GOLGB1: variants seen among roughly 807,000 people sequenced by gnomAD.
GOLGB1 encodes the protein golgin subfamily B member 1.
A neutral mutation model predicts 336.9 loss-of-function variants in GOLGB1; 174 were observed. That is an observed-to-expected ratio of 0.52 (90% CI 0.46 to 0.59). The LOEUF (loss-of-function observed/expected upper bound fraction) is 0.59, where lower values mean the gene tolerates loss of function less well. GOLGB1 is among the 20% of genes least tolerant of loss of function. The pLI, the probability that GOLGB1 is intolerant of heterozygous loss-of-function variation, is 0.00. For synonymous variants in GOLGB1, 1,208 were observed against 1,289.2 expected (o/e 0.94, Z 1.35); for missense variants, 3,331 against 3,645.3 (o/e 0.91, Z 2.22).
chr3:121,696,377 G>A lies in GOLGB1; in HGVS notation c.4146C>T (p.Ser1382=), dbSNP rs1942948366. The A allele has an allele frequency of 6.2e-7, 1 of 1,613,998 alleles. No homozygotes were observed. Among genetic ancestry groups the A allele is most frequent in the African/African-American group, 1.3e-5 (1 of 74,900 alleles). ...GTTCTAGGCCAGCAATTTGTAGTTG[G>A]CTGCTTTCCAATTTCTGCTGCAGGC... ...AESLQQKLES[S]QLQIAGLEHL... The change falls in exon 13 of 22, where the codon AGC becomes AGT. Residue 1382 remains serine, a synonymous_variant. Coordinates refer to ENST00000614479, the MANE Select transcript of GOLGB1 (RefSeq NM_001366282.2).
intron 14 of GOLGB1, among the ~76,000 whole-genome samples, chr3:121,687,037 C>A (rs555520257): frequency 1.3e-5 from 2 of 152,196 alleles, no homozygotes; most frequent in Admixed American, 1.3e-4. Flanking sequence ...ACTTTGGGAG[C>A]CGAGGCAGGT....
At chr3:121,749,763 A>C (rs1414991470), upstream of GOLGB1, 1 of 152,446 alleles carries the variant, frequency 6.6e-6, no homozygotes, top group Non-Finnish European at 1.5e-5. Context: ...GTTGGGACGG[A>C]AGATGGGATT....
intron 1 of GOLGB1, among the ~76,000 whole-genome samples, chr3:121,734,179 C>T (rs1394116912): frequency 1.3e-5 from 2 of 152,006 alleles, no homozygotes; most frequent in African/African-American, 4.8e-5. Context: ...CAGTTGAGGC[C>T]AGGAGTTCAA....
chr3:121,718,346 G>A, intron 8 of GOLGB1, 42 bp downstream of exon 8: 2 of 1,280,142 alleles, frequency 1.6e-6, no homozygotes, highest in Non-Finnish European at 1.1e-6. Context: ...AAGTGGAAAT[G>A]AATACCCTCC....
chr3:121,697,318 G>A lies in GOLGB1; in HGVS notation c.3205C>T (p.Gln1069Ter), dbSNP rs1448087735. Residue 1069 changes from glutamine (Q) to a stop codon, truncating the protein, a stop_gained, in exon 13 of 22, where the codon CAG (glutamine) becomes TAG (stop). Transcript: ENST00000614479. LOFTEE classifies it high-confidence loss of function. ...KCQEIEIYLK[Q>*]TISEKEVELQ... ...TCCACTTCTTTCTCAGATATTGTCTGTTTTAAATAAATTTCTATTTCTTGG... is the reference window on the plus strand; with the variant it reads ...TCCACTTCTTTCTCAGATATTGTCTATTTTAAATAAATTTCTATTTCTTGG... 2 of 1,613,374 alleles carry A rather than the reference G, an allele frequency of 1.2e-6. No individual in the cohort carries two copies. The highest frequency in any genetic ancestry group is 3.3e-5 in the Admixed American group (2 of 59,972).
At chr3:121,689,672 A>AT (rs1484116907) in intron 14 of GOLGB1, among the ~76,000 whole-genome samples, 1 of 151,628 alleles carries the variant, frequency 6.6e-6, no homozygotes. Context: ...AAAAATTAGA[A>AT]TTTTCAGATT....
At chr3:121,715,182 T>C (rs1944659934) in intron 9 of GOLGB1, among the ~76,000 whole-genome samples, 1 of 148,878 alleles carries the variant, frequency 6.7e-6, no homozygotes, top group Non-Finnish European at 1.5e-5. Context: ...CCTTCAAAAG[T>C]AAAATAAAAT....
At position 121,695,035 on chromosome 3, in the gene GOLGB1, C is replaced by A; in HGVS notation, c.5488G>T (p.Val1830Leu). The change falls in exon 13 of 22, where the codon GTA becomes TTA. Residue 1830 changes from valine (V) to leucine (L), a missense_variant. Coordinates refer to ENST00000614479, the MANE Select transcript of GOLGB1 (RefSeq NM_001366282.2). ...TCATGTGAGCTGAAATCCTTACTTA[C>A]AGCAGGGTTGGCACTCTTCGCTGAT... ...VPSAKSANPA[V>L]SKDFSSHDEI... 1 of 1,614,110 alleles carries A rather than the reference C, an allele frequency of 6.2e-7. No homozygotes were observed. The highest frequency in any genetic ancestry group is 8.5e-7 in the Non-Finnish European group (1 of 1,179,964).
chr3:121,693,277 A>G (rs1485600402), intron 13 of GOLGB1, among the ~76,000 whole-genome samples: 4 of 152,188 alleles, frequency 2.6e-5, no homozygotes, highest in Admixed American at 2.6e-4. Context: ...ACCTGAGGTC[A>G]GGAGTTCGAG....
intron 13 of GOLGB1, 59 bp from the exon 14 acceptor site, chr3:121,692,640 G>A: frequency 2.1e-6 from 2 of 931,046 alleles, no homozygotes; most frequent in South Asian, 3.3e-5. Flanking sequence ...TGTTTCCCAA[G>A]GAACAAATAC....
rs1413474743 is a variant in GOLGB1, at chr3:121,690,999, G to T, written c.8365C>A (p.Leu2789Ile). ...ATTGAAAAGGCGGTTTCAGAAAGAA[G>T]AGCATCTCTCTCTCTGTTTAAGAGT... ...QGLLNRERDA[L>I]LSETAFSMNS... Residue 2789 changes from leucine (L) to isoleucine (I), a missense_variant, in exon 14 of 22, where the codon CTT becomes ATT. Transcript: ENST00000614479. The T allele has an allele frequency of 6.2e-7, 1 of 1,613,908 alleles. No individual in the cohort carries two copies. Among genetic ancestry groups the T allele is most frequent in the Non-Finnish European group, 8.5e-7 (1 of 1,179,872 alleles).
chr3:121,727,243 AC>A (rs1190288694), intron 4 of GOLGB1, among the ~76,000 whole-genome samples: 1 of 132,038 alleles, frequency 7.6e-6, no homozygotes, highest in Non-Finnish European at 1.6e-5. Flanking sequence ...TGTTAGACCT[AC>A]CCTCCCTCAC....
At position 121,698,704 on chromosome 3, in the gene GOLGB1, C is replaced by G. The variant is rs1414192285; in HGVS notation, c.1819G>C (p.Glu607Gln). The change falls in exon 13 of 22, where the codon GAG becomes CAG. Residue 607 changes from glutamate to glutamine, a missense_variant. Transcript: ENST00000614479. Reference protein sequence around the residue: ...VLDQKEMKQMEGEGIAPIKMK... With the variant: ...VLDQKEMKQMQGEGIAPIKMK... ...TTAATTGGAGCTATTCCCTCACCCT[C>G]CATCTGTTTCATTTCTTTCTGGTCA... 1 of 1,613,768 alleles carries G rather than the reference C, an allele frequency of 6.2e-7. No homozygotes were observed. Among genetic ancestry groups the G allele is most frequent in the African/African-American group, 1.3e-5 (1 of 75,018 alleles).
At chr3:121,706,099 A>G (rs549847060) in intron 10 of GOLGB1, among the ~76,000 whole-genome samples, 5 of 151,808 alleles carry the variant, frequency 3.3e-5, no homozygotes, top group Admixed American at 6.6e-5. Flanking sequence ...GACTGCATCA[A>G]TGCACTCCTG....
In GOLGB1 at chr3:121,669,226, G is replaced by A. The variant is rs1939142412; in HGVS notation, c.9307C>T (p.Gln3103Ter). 1 of 1,613,794 alleles carries A rather than the reference G, an allele frequency of 6.2e-7. No individual in the cohort carries two copies. Among genetic ancestry groups the A allele is most frequent in the Non-Finnish European group, 8.5e-7 (1 of 1,179,946 alleles). ...NHCAVLEKQV[Q>*]ELQAGPLNID... is the part of the protein sequence containing the mutation. ...TCTTTACTCACCGCCTGCAGCTCTT[G>A]AACCTGCTTCTCCAAGACTGCACAG... The change falls in exon 18 of 22, where the codon CAA (glutamine) becomes TAA (stop). Residue 3103 changes from glutamine (Q) to a stop codon, truncating the protein, a stop_gained. Coordinates refer to ENST00000614479, the MANE Select transcript of GOLGB1 (RefSeq NM_001366282.2). LOFTEE classifies it high-confidence loss of function.
Position 121,694,097 on chromosome 3 carries a change from C to T in GOLGB1, c.6426G>A (p.Glu2142=). 1 of 1,614,072 alleles carries T rather than the reference C, an allele frequency of 6.2e-7. No individual in the cohort carries two copies. Among genetic ancestry groups the T allele is most frequent in the Non-Finnish European group, 8.5e-7 (1 of 1,180,034 alleles). The change falls in exon 13 of 22, where the codon GAG becomes GAA. Residue 2142 remains glutamate (E), a synonymous_variant. Coordinates refer to ENST00000614479, the MANE Select transcript of GOLGB1 (RefSeq NM_001366282.2). ...CCAGTTTCTCTTGCATATTCTTCTT[C>T]TCTTTCAGGTGCTTCTCTTCTGCCT... The part of the protein sequence containing the change: ...LEQAEEKHLK[E]KKNMQEKLDA...
rs1248833419 is a variant in GOLGB1 at position 121,698,801 on chromosome 3, A to G, written c.1722T>C (p.Ala574=). 1 of 1,613,508 alleles carries G rather than the reference A, an allele frequency of 6.2e-7. No individual in the cohort carries two copies. The highest frequency in any genetic ancestry group is 8.5e-7 in the Non-Finnish European group (1 of 1,179,636). ...LSVLLLEMKE[A]QEEIAFLKLQ... ...ATTTAAGAAATGCAATTTCCTCTTG[A>G]GCTTCTTTCATTTCCAACAATAAAA... The change falls in exon 13 of 22, where the codon GCT becomes GCC. Residue 574 remains alanine (A), a synonymous_variant. Coordinates refer to ENST00000614479, the MANE Select transcript of GOLGB1 (RefSeq NM_001366282.2).
intron 10 of GOLGB1, among the ~76,000 whole-genome samples, chr3:121,704,212 C>T (rs958619094): frequency 7.9e-5 from 12 of 151,358 alleles, no homozygotes; most frequent in South Asian, 4.2e-4. Flanking sequence ...CCAGAAGAGA[C>T]GAGGGACAGA....
intron 5 of GOLGB1, among the ~76,000 whole-genome samples, chr3:121,724,041 C>T (rs767131885): frequency 1.3e-5 from 2 of 152,052 alleles, no homozygotes; most frequent in Non-Finnish European, 2.9e-5. Flanking sequence ...TTCTGTTACA[C>T]GCAAGAGAAA....
Sources: gnomAD v4.1 joint callset for allele counts (sites outside exome capture counted in the v4.1 genomes callset) on GRCh38, gnomAD v4.1.1 for gene constraint, MANE v1.5 for transcripts, NCBI Gene and HGNC (gene_info 2026-07-23, HGNC 2026-07-21) for gene names.